Variants in CUX1 observed in about 807,000 individuals in gnomAD.
The protein encoded by CUX1 is protein CASP.
In CUX1, 31 loss-of-function variants were observed where a neutral mutation model predicts 158.8. The observed-to-expected ratio is 0.20, with a 90% CI of 0.15 to 0.26. The LOEUF (loss-of-function observed/expected upper bound fraction) is 0.26, where lower values mean the gene tolerates loss of function less well. Ranked by LOEUF, CUX1 falls within the 10% of genes least tolerant of loss-of-function variation. The probability of loss-of-function intolerance (pLI) is 1.00; values close to 1 mark genes in which losing one functional copy is unlikely to be tolerated. For synonymous variants in CUX1, 879 were observed against 862.1 expected (o/e 1.02, Z -0.34); for missense variants, 1,589 against 2,014.6 (o/e 0.79, Z 4.04).
intron 17 of CUX1, among the ~76,000 whole-genome samples, chr7:102,276,679 C>A (rs868959873): frequency 2.6e-5 from 4 of 152,186 alleles, no homozygotes; most frequent in African/African-American, 9.7e-5. Context: ...TTCCATTTCA[C>A]GTTGCCTTTA....
At chr7:102,049,313 T>C (rs528306015) in intron 3 of CUX1, among the ~76,000 whole-genome samples, 1 of 152,320 alleles carries the variant, frequency 6.6e-6, no homozygotes, top group African/African-American at 2.4e-5. Context: ...CGTTCCGTTC[T>C]GCCATTTCAT....
chr7:101,890,405 A>G (rs1177302291), intron 1 of CUX1, among the ~76,000 whole-genome samples: 1 of 152,068 alleles, frequency 6.6e-6, no homozygotes, highest in Non-Finnish European at 1.5e-5. Flanking sequence ...CAGAGCTCAC[A>G]TGAAGGACAG....
intron 23 of CUX1, among the ~76,000 whole-genome samples, chr7:102,242,974 T>G (rs1162430918): frequency 6.6e-6 from 1 of 151,970 alleles, no homozygotes; most frequent in Non-Finnish European, 1.5e-5. Flanking sequence ...TAAGTAAAAT[T>G]TAGTAATCAC....
In CUX1 at chr7:102,249,239, G is replaced by T. The variant is rs868947318; in HGVS notation, c.*197G>T. 1.7e-5 allele frequency: 18 copies of T among 1,087,192 alleles called. No homozygotes were observed. In the South Asian group the frequency reaches 8.1e-4, roughly 49 times the overall value. The allele number at this position is 1,087,192 out of a possible 1,614,324, so 67.3% of individuals were successfully genotyped here. On this transcript the variant is annotated 3_prime_UTR_variant, in exon 24 of 24. Coordinates refer to ENST00000292535, the MANE Select transcript of CUX1 (RefSeq NM_181552.4). ...CGACCCGAGGCCCAGATCCAAGGCC[G>T]CGGCCCAGACCCACTCTGCGGCCCG...
chr7:102,192,747 G>A (rs990266597), intron 12 of CUX1, among the ~76,000 whole-genome samples: 5 of 152,180 alleles, frequency 3.3e-5, no homozygotes, highest in East Asian at 3.8e-4. Flanking sequence ...CCTGCGAGTC[G>A]TAAATCTCAC....
intron 4 of CUX1, among the ~76,000 whole-genome samples, chr7:102,096,320 A>C (rs1829179822): frequency 6.6e-6 from 1 of 150,932 alleles, no homozygotes; most frequent in Non-Finnish European, 1.5e-5. Context: ...GAGGATCGTA[A>C]TGGAAAGTGG....
intron 8 of CUX1, among the ~76,000 whole-genome samples, chr7:102,144,123 G>A (rs1221965649): frequency 6.6e-6 from 1 of 152,154 alleles, no homozygotes; most frequent in Non-Finnish European, 1.5e-5. Context: ...CACAGCTGCA[G>A]CCACAGCCAT....
chr7:102,189,990 C>T lies in CUX1; in HGVS notation c.1076+119C>T, dbSNP rs912806327. 10 of 1,028,626 alleles carry T rather than the reference C, an allele frequency of 9.7e-6. No individual in the cohort carries two copies. In the Admixed American group the frequency reaches 1.2e-4, roughly 13 times the overall value. The allele number at this position is 1,028,626 out of a possible 1,614,324, so 63.7% of individuals were successfully genotyped here. A position where few individuals can be genotyped will look rare whatever the true frequency, so the allele number is the denominator to read the frequency against. On this transcript the variant is annotated intron_variant, in intron 12 of 23. Coordinates refer to ENST00000292535, the MANE Select transcript of CUX1 (RefSeq NM_181552.4). ...CCTGCCCTCTGGCTCAGCAGATGCC[C>T]GTAAATGCAGCCAGAGTTCTACCAC...
intron 1 of CUX1, chr7:101,913,313 G>A: frequency 8.0e-7 from 1 of 1,249,440 alleles, no homozygotes; most frequent in Non-Finnish European, 1.0e-6. Context: ...ACCCCCGTGG[G>A]TTTCCCATGC....
chr7:101,866,336 T>C (rs1797924536), intron 1 of CUX1, among the ~76,000 whole-genome samples: 1 of 151,408 alleles, frequency 6.6e-6, no homozygotes, highest in South Asian at 2.1e-4. Context: ...CTGAGTGTGG[T>C]AGTGCACGCC....
Position 102,201,318 on chromosome 7 carries a change from G to T in CUX1, c.2063-42G>T, listed in dbSNP as rs781837194. 6.8e-5 allele frequency: 108 copies of T among 1,586,986 alleles called. No homozygotes were observed. In the South Asian group the frequency reaches 1.2e-3, roughly 18 times the overall value. On this transcript the variant is annotated intron_variant, in intron 17 of 23. Coordinates refer to ENST00000292535, the MANE Select transcript of CUX1 (RefSeq NM_181552.4). The surrounding 1 kb of genome is among the most constrained non-coding windows in gnomAD (Gnocchi z 5.0). ...ATGAGAAGCATGTCCCCAGCTGAAG[G>T]GGGCCGCCCTGCCACACTCTCACCC...
At chr7:102,125,511 C>T (rs1902) in intron 8 of CUX1, 79,465 of 151,998 alleles carry the variant, frequency 0.52, 21,381 homozygotes, top group Middle Eastern at 0.66. Context: ...TGACATAGCA[C>T]GTCTTATTTG....
intron 2 of CUX1, among the ~76,000 whole-genome samples, chr7:102,004,700 G>A (rs1302197412): frequency 6.6e-6 from 1 of 151,998 alleles, no homozygotes; most frequent in Non-Finnish European, 1.5e-5. Flanking sequence ...CCTGACCACC[G>A]AGCCTGGTTC....
chr7:102,280,525 C>A (rs1374446318), intron 19 of CUX1, among the ~76,000 whole-genome samples: 1 of 152,190 alleles, frequency 6.6e-6, no homozygotes, highest in Non-Finnish European at 1.5e-5. Context: ...CTCCCCCACC[C>A]AGACTGCAGA....
At chr7:101,918,644 C>T (rs572445730) in intron 2 of CUX1, among the ~76,000 whole-genome samples, 23 of 152,364 alleles carry the variant, frequency 1.5e-4, no homozygotes, top group African/African-American at 5.5e-4. Flanking sequence ...GCTCCTGCCC[C>T]GCCAGCCCTA....
intron 1 of CUX1, among the ~76,000 whole-genome samples, chr7:101,824,129 C>T (rs1792987442): frequency 6.6e-6 from 1 of 152,194 alleles, no homozygotes; most frequent in Non-Finnish European, 1.5e-5. Context: ...ACTCTGTCGC[C>T]CAGCCTGGAG....
intron 2 of CUX1, among the ~76,000 whole-genome samples, chr7:101,970,285 G>A (rs1811792316): frequency 2.0e-5 from 3 of 152,092 alleles, no homozygotes; most frequent in Non-Finnish European, 4.4e-5. Flanking sequence ...ATAGAGAAAC[G>A]GCTGGCCTTG....
rs200309302 is a variant in CUX1, at chr7:101,916,182, G to A, written c.98G>A (p.Arg33Gln). The A allele has an allele frequency of 9.9e-6, 16 of 1,613,920 alleles. No individual in the cohort carries two copies. Among genetic ancestry groups the A allele is most frequent in the East Asian group, 2.2e-5 (1 of 44,884 alleles). ...GATGAAAGTGAGCAGTCCAGAAAGC[G>A]GCTTATCGAACAGAGCCGGGAGTTC... ...RQDESEQSRK[R>Q]LIEQSREFKK... The change falls in exon 2 of 24, where the codon CGG (arginine) becomes CAG (glutamine). Residue 33 changes from arginine (R) to glutamine (Q), a missense_variant. Transcript: ENST00000292535. This position sits in a 1 kb window ranked among gnomAD's most constrained non-coding sequence, Gnocchi z 4.4.
At chr7:102,103,936 AT>A (rs1427986894) in intron 5 of CUX1, among the ~76,000 whole-genome samples, 2 of 151,654 alleles carry the variant, frequency 1.3e-5, no homozygotes, top group Non-Finnish European at 2.9e-5. Context: ...ATTATGAACT[AT>A]TTTTTTTCTG....
Sources: allele counts gnomAD v4.1 joint callset (sites outside exome capture counted in the v4.1 genomes callset), GRCh38; gene constraint gnomAD v4.1.1; non-coding constraint Gnocchi (gnomAD v3.1); transcripts MANE v1.5; gene names NCBI Gene and HGNC (gene_info 2026-07-23, HGNC 2026-07-21).